The following CEP170 variants were observed in gnomAD, a reference collection of about 807,000 sequenced individuals.
CEP170 encodes centrosomal protein 170.
In CEP170, 21 loss-of-function variants were observed where a neutral mutation model predicts 151.9. The observed-to-expected ratio is 0.14, with a 90% confidence interval of 0.10 to 0.20. The LOEUF (loss-of-function observed/expected upper bound fraction) is 0.20. CEP170 is among the 10% of genes least tolerant of loss of function. The pLI, the probability that CEP170 is intolerant of heterozygous loss-of-function variation, is 1.00. For missense variants in CEP170, 964 were observed against 1,892.9 expected (o/e 0.51, Z 9.11); for synonymous variants, 356 against 648.8 (o/e 0.55, Z 6.86).
At chr1:243,226,340 T>C (rs1340280032) in intron 1 of CEP170, among the ~76,000 whole-genome samples, 2 of 151,372 alleles carry the variant, frequency 1.3e-5, no homozygotes, top group Non-Finnish European at 2.9e-5. Flanking sequence ...TACTAACATT[T>C]CTATAACAAA....
rs548621209 is a variant in CEP170, at chr1:243,179,369, C to A, written c.1566+6410G>T. 1.7e-4 allele frequency among the ~76,000 whole-genome samples: 26 copies of A among 152,224 alleles called. 1 individual carries two copies. The South Asian group carries it at 5.2e-3, about 30-fold the overall frequency. On this transcript the variant is annotated intron_variant, in intron 10 of 19. Coordinates refer to ENST00000366542, the MANE Select transcript of CEP170 (RefSeq NM_014812.3). ...AGCAGATTTTCCAGCTGGAAGCTGT[C>A]AGGTAGGTATCGCTAGGAACTCAAA...
intron 12 of CEP170, among the ~76,000 whole-genome samples, chr1:243,168,025 A>T (rs1275991724): frequency 1.3e-5 from 2 of 151,976 alleles, no homozygotes; most frequent in African/African-American, 4.8e-5. Context: ...TTTTATAACA[A>T]GGGTAGAACT....
At chr1:243,209,935 C>T (rs1209482286) in intron 4 of CEP170, among the ~76,000 whole-genome samples, 3 of 151,912 alleles carry the variant, frequency 2.0e-5, no homozygotes, top group Non-Finnish European at 4.4e-5. Flanking sequence ...CCTCATGATC[C>T]GCCTGCCTCA....
intron 1 of CEP170, among the ~76,000 whole-genome samples, chr1:243,247,324 A>G (rs534082850): frequency 4.6e-5 from 7 of 152,218 alleles, no homozygotes; most frequent in Admixed American, 2.0e-4. Context: ...TAGGATTGGG[A>G]AAAAAAGCTA....
At chr1:243,184,120 G>A (rs1351309243) in intron 10 of CEP170, among the ~76,000 whole-genome samples, 1 of 152,006 alleles carries the variant, frequency 6.6e-6, no homozygotes, top group Non-Finnish European at 1.5e-5. Flanking sequence ...TAACAGTAAT[G>A]ATAAAGCAAC....
At chr1:243,167,233 A>C (rs2148572991) in intron 12 of CEP170, among the ~76,000 whole-genome samples, 1 of 152,206 alleles carries the variant, frequency 6.6e-6, no homozygotes, top group Admixed American at 6.5e-5. Context: ...GGATTTCCTA[A>C]GTAAAGTGAA....
rs541202009 is a variant in CEP170 at position 243,213,815 on chromosome 1, T to G, written c.196-1851A>C. Reference sequence around the variant, plus strand: ...GAAGCCTCGACCTCCCAGGCTCAGGTGATTCTCCCACCTCAGCCTCCTCAG... The same window carrying G: ...GAAGCCTCGACCTCCCAGGCTCAGGGGATTCTCCCACCTCAGCCTCCTCAG... On this transcript the variant is annotated intron_variant, in intron 3 of 19. Coordinates refer to ENST00000366542, the MANE Select transcript of CEP170 (RefSeq NM_014812.3). 2.6e-4 allele frequency among the ~76,000 whole-genome samples: 39 copies of G among 152,178 alleles called. No individual in the cohort carries two copies. The South Asian group carries it at 7.1e-3, about 28-fold the overall frequency.
intron 11 of CEP170, among the ~76,000 whole-genome samples, chr1:243,171,638 CT>C (rs2058852180): frequency 6.6e-6 from 1 of 152,074 alleles, no homozygotes; most frequent in African/African-American, 2.4e-5. Context: ...GCCTTAGATA[CT>C]TTTTTACATT....
chr1:243,142,204 T>C, intron 15 of CEP170, 112 bp downstream of exon 15: 1 of 1,572,858 alleles, frequency 6.4e-7, no homozygotes, highest in Non-Finnish European at 8.6e-7. Flanking sequence ...ATGCAGAGCT[T>C]CATGCAAACA....
At chr1:243,190,181 A>C (rs1218762520) in intron 8 of CEP170, among the ~76,000 whole-genome samples, 1 of 152,218 alleles carries the variant, frequency 6.6e-6, no homozygotes. Flanking sequence ...AAAAACTCCT[A>C]ATATAGTAAC....
chr1:243,221,585 G>T, intron 3 of CEP170, 139 bp downstream of exon 3: 1 of 788,168 alleles, frequency 1.3e-6, no homozygotes, highest in Non-Finnish European at 2.0e-6. Flanking sequence ...TCCCCAAAGT[G>T]CTATGTACCT....
chr1:243,137,744 C>T (rs957002937), intron 16 of CEP170, among the ~76,000 whole-genome samples: 1 of 150,184 alleles, frequency 6.7e-6, no homozygotes, highest in African/African-American at 2.5e-5. Context: ...CACTGCCCTC[C>T]GGCCTGGTGA....
intron 1 of CEP170, among the ~76,000 whole-genome samples, chr1:243,234,743 A>C (rs2149087247): frequency 6.6e-6 from 1 of 152,366 alleles, no homozygotes; most frequent in Middle Eastern, 3.4e-3. Flanking sequence ...TCTGAAAATG[A>C]AGAAATAATT....
chr1:243,198,049 T>C (rs2060779500), intron 7 of CEP170, among the ~76,000 whole-genome samples: 1 of 152,120 alleles, frequency 6.6e-6, no homozygotes, highest in Non-Finnish European at 1.5e-5. Context: ...CTATTTATCT[T>C]GTAGAATTAG....
At chr1:243,226,896 C>T (rs924269138) in intron 1 of CEP170, among the ~76,000 whole-genome samples, 13 of 152,088 alleles carry the variant, frequency 8.5e-5, no homozygotes, top group Middle Eastern at 6.8e-3. Context: ...GGGTGAGGCA[C>T]GGGAATCACT....
chr1:243,193,327 T>G (rs2060434052), intron 7 of CEP170, among the ~76,000 whole-genome samples: 1 of 152,218 alleles, frequency 6.6e-6, no homozygotes, highest in East Asian at 1.9e-4. Flanking sequence ...ACAGTACAAC[T>G]GGTTCATAAA....
intron 15 of CEP170, among the ~76,000 whole-genome samples, chr1:243,141,334 A>T (rs1176873923): frequency 6.6e-6 from 1 of 152,258 alleles, no homozygotes; most frequent in African/African-American, 2.4e-5. Flanking sequence ...CTGCCCCTGT[A>T]GCAAAGAAAC....
At chr1:243,132,944 T>A (rs1387845793) in intron 17 of CEP170, among the ~76,000 whole-genome samples, 1 of 152,176 alleles carries the variant, frequency 6.6e-6, no homozygotes, top group Non-Finnish European at 1.5e-5. Context: ...AAGACTCTCA[T>A]GATATTTTTA....
intron 1 of CEP170, among the ~76,000 whole-genome samples, chr1:243,233,732 C>CAAAAAAAA (rs376399936): frequency 6.1e-5 from 6 of 97,792 alleles, no homozygotes; most frequent in African/African-American, 2.3e-4. Context: ...GACTCCATCT[C>CAAAAAAAA]AAAAAAAAAA....
Sources: allele counts gnomAD v4.1 joint callset (sites outside exome capture counted in the v4.1 genomes callset), GRCh38; gene constraint gnomAD v4.1.1; transcripts MANE v1.5; gene names NCBI Gene and HGNC (gene_info 2026-07-23, HGNC 2026-07-21).